PRKG1: variants seen among roughly 807,000 people sequenced by gnomAD.
The protein encoded by PRKG1 is protein kinase cGMP-dependent 1.
PRKG1 carries 35 observed loss-of-function variants against 88.1 expected under a neutral mutation model. The ratio of observed to expected loss-of-function variants is 0.40; its 90% CI spans 0.30 to 0.53. The LOEUF is 0.53. Ranked by LOEUF, PRKG1 falls within the 20% of genes least tolerant of loss-of-function variation. PRKG1 has a pLI of 0.59. For synonymous variants in PRKG1, 303 were observed against 292.5 expected, an observed-to-expected ratio of 1.04 and a Z score of -0.37; for missense variants, 540 against 839.8, an observed-to-expected ratio of 0.64 and a Z score of 4.41.
chr10:51,029,098 A>C (rs1370041239), intron 1 of PRKG1, among the ~76,000 whole-genome samples: 1 of 152,156 alleles, frequency 6.6e-6, no homozygotes, highest in African/African-American at 2.4e-5. Flanking sequence ...CAGATATTAA[A>C]TTTGCAGTGT....
intron 5 of PRKG1, among the ~76,000 whole-genome samples, chr10:51,973,695 A>C (rs562332809): frequency 3.9e-5 from 6 of 152,306 alleles, no homozygotes; most frequent in African/African-American, 1.2e-4. Context: ...TTAGATGAGA[A>C]AATCTTTTCT....
intron 3 of PRKG1, among the ~76,000 whole-genome samples, chr10:51,653,514 T>G (rs1032473376): frequency 6.6e-6 from 1 of 152,170 alleles, no homozygotes; most frequent in African/African-American, 2.4e-5. Flanking sequence ...TCTTCTTCTT[T>G]TGAGAAATAT....
In PRKG1 at chr10:51,404,840, T is replaced by C. The variant is rs181450744; in HGVS notation, c.479-62883T>C. 1.1e-3 allele frequency among the ~76,000 whole-genome samples: 165 copies of C among 152,284 alleles called. 2 individuals are homozygous for C. Among genetic ancestry groups the C allele is most frequent in the Middle Eastern group, 3.4e-3 (1 of 294 alleles). On this transcript the variant is annotated intron_variant, in intron 2 of 17. Transcript: ENST00000373980. ...GCCCTTTCATTCTCTCACCTCTACA[T>C]CTATGCAACTTAAGCAGTGCTTTAG...
chr10:51,329,722 T>C (rs774570604), intron 2 of PRKG1, among the ~76,000 whole-genome samples: 1 of 152,142 alleles, frequency 6.6e-6, no homozygotes, highest in Non-Finnish European at 1.5e-5. Context: ...TTCCTTGTTT[T>C]TTGTTTTTTT....
At chr10:51,410,144 A>G (rs1007312028) in intron 2 of PRKG1, among the ~76,000 whole-genome samples, 2 of 151,920 alleles carry the variant, frequency 1.3e-5, no homozygotes, top group Non-Finnish European at 2.9e-5. Context: ...AGGGTTCTCT[A>G]GAGGGACAGA....
At chr10:51,213,864 A>G (rs1469622214) in intron 2 of PRKG1, among the ~76,000 whole-genome samples, 1 of 152,058 alleles carries the variant, frequency 6.6e-6, no homozygotes, top group African/African-American at 2.4e-5. Flanking sequence ...AAGTTGTTTT[A>G]TTCATGTGTT....
In PRKG1 at chr10:51,036,436, A is replaced by C. The variant is rs114520612; in HGVS notation, c.266+44792A>C. 5.2e-3 allele frequency among the ~76,000 whole-genome samples: 784 copies of C among 152,220 alleles called. 6 individuals carry two copies. Among genetic ancestry groups the C allele is most frequent in the African/African-American group, 0.018 (748 of 41,518 alleles). The stretch of plus-strand genomic sequence containing the variant: ...TGTGCCTGGGATATGAGCATGGAGA[A>C]GGGATATGAAGCTTGGGGTGACTGG... On this transcript the variant is annotated intron_variant, in intron 1 of 17. Transcript: ENST00000401604.
At chr10:52,250,593 T>C (rs911429169) in intron 9 of PRKG1, among the ~76,000 whole-genome samples, 3 of 152,224 alleles carry the variant, frequency 2.0e-5, no homozygotes, top group African/African-American at 7.2e-5. Flanking sequence ...AATCAGGTGT[T>C]GCTGAGCTGA....
At chr10:51,771,362 G>T (rs1355011360) in intron 3 of PRKG1, among the ~76,000 whole-genome samples, 2 of 152,072 alleles carry the variant, frequency 1.3e-5, no homozygotes, top group Non-Finnish European at 2.9e-5. Context: ...TAAAAAAAGA[G>T]TTGTACCTGG....
Position 51,535,564 on chromosome 10 carries a change from CT to C in PRKG1, c.592+67732del, listed in dbSNP as rs1447429937. 9.2e-5 allele frequency among the ~76,000 whole-genome samples: 14 copies of C among 152,086 alleles called. No homozygotes were observed. The South Asian group carries it at 2.9e-3, about 32-fold the overall frequency. ...TTTTGTTATAAGAAAGTCGTTTTATCTTTTATCTTTTTCTTGGCTATCAGCA... is the reference window on the plus strand; with the variant it reads ...TTTTGTTATAAGAAAGTCGTTTTATCTTTATCTTTTTCTTGGCTATCAGCA... On this transcript the variant is annotated intron_variant, in intron 3 of 17. Coordinates refer to ENST00000373980, the MANE Select transcript of PRKG1 (RefSeq NM_006258.4).
intron 2 of PRKG1, among the ~76,000 whole-genome samples, chr10:51,266,351 G>A (rs1367603053): frequency 6.6e-6 from 1 of 152,184 alleles, no homozygotes; most frequent in African/African-American, 2.4e-5. Flanking sequence ...GAGAAAAAAG[G>A]CTAGGTAAGT....
chr10:51,478,926 G>T (rs1483916267), intron 3 of PRKG1, among the ~76,000 whole-genome samples: 1 of 151,852 alleles, frequency 6.6e-6, no homozygotes, highest in African/African-American at 2.4e-5. Context: ...TAAAAAAATC[G>T]ACTCCCTTTG....
chr10:51,094,164 G>T (rs1034559420), intron 1 of PRKG1, among the ~76,000 whole-genome samples: 1 of 151,804 alleles, frequency 6.6e-6, no homozygotes, highest in African/African-American at 2.4e-5. Context: ...AAAGAGACTA[G>T]CATAGTATCT....
At chr10:52,211,873 T>A (rs1259055797) in intron 9 of PRKG1, among the ~76,000 whole-genome samples, 2 of 151,922 alleles carry the variant, frequency 1.3e-5, no homozygotes, top group Non-Finnish European at 2.9e-5. Context: ...TTAAAAAAAA[T>A]AGAAAAAAAA....
At chr10:51,821,605 T>TTTTAGCACGTTGACCTATATATTTATA (rs1462149002) in intron 4 of PRKG1, among the ~76,000 whole-genome samples, 2 of 152,086 alleles carry the variant, frequency 1.3e-5, no homozygotes, top group Admixed American at 6.6e-5. Flanking sequence ...TTAACAATAT[T>TTTTAGCACGTTGACCTATATATTTATA]TTTAGCACGT....
intron 10 of PRKG1, among the ~76,000 whole-genome samples, chr10:52,260,157 T>A (rs1186613801): frequency 1.3e-5 from 2 of 151,994 alleles, no homozygotes; most frequent in Non-Finnish European, 2.9e-5. Flanking sequence ...TTCAGTATTT[T>A]AAAAAATATT....
chr10:51,895,813 A>G (rs183702743), intron 4 of PRKG1, among the ~76,000 whole-genome samples: 15 of 151,858 alleles, frequency 9.9e-5, no homozygotes, highest in African/African-American at 3.4e-4. Flanking sequence ...AGTCAAATGG[A>G]GAAAGACAAG....
chr10:51,089,043 T>C (rs919554535), intron 1 of PRKG1, among the ~76,000 whole-genome samples: 2 of 152,162 alleles, frequency 1.3e-5, no homozygotes, highest in Non-Finnish European at 2.9e-5. Flanking sequence ...TCTCTTCAAC[T>C]AGCCCATACC....
intron 3 of PRKG1, among the ~76,000 whole-genome samples, chr10:51,741,914 T>C (rs1564629071): frequency 6.6e-6 from 1 of 152,204 alleles, no homozygotes; most frequent in Admixed American, 6.5e-5. Context: ...AAGAAACTCT[T>C]AGGGAGCTGT....
Sources: allele counts gnomAD v4.1 joint callset (sites outside exome capture counted in the v4.1 genomes callset), GRCh38; gene constraint gnomAD v4.1.1; transcripts MANE v1.5; gene names NCBI Gene and HGNC (gene_info 2026-07-23, HGNC 2026-07-21).